Variants in SUMF1 observed in about 807,000 individuals in gnomAD.
The protein encoded by SUMF1 is formylglycine-generating enzyme.
In SUMF1, 48 loss-of-function variants were observed where a neutral mutation model predicts 47.6. The observed-to-expected ratio is 1.01, with a 90% CI of 0.80 to 1.28. The LOEUF is 1.28. SUMF1 is among the 50% of genes most tolerant of loss of function. The pLI, the probability that SUMF1 is intolerant of heterozygous loss-of-function variation, is 0.00. For synonymous variants in SUMF1, 230 were observed against 192.1 expected, an observed-to-expected ratio of 1.20 and a Z score of -1.63; for missense variants, 571 against 485.4, an observed-to-expected ratio of 1.18 and a Z score of -1.66.
In SUMF1 at chr3:4,209,485, A is replaced by G. The variant is rs1400137003; in HGVS notation, c.1015-140740T>C. Among the ~76,000 whole-genome samples, 2 of 152,182 alleles carry G rather than the reference A, an allele frequency of 1.3e-5. 1 individual carries two copies. Among genetic ancestry groups the G allele is most frequent in the African/African-American group, 4.8e-5 (2 of 41,444 alleles). ...CTTCTAAGATCCTTCCAGTATTTAA[A>G]TTATTTAATCTATAAGGAAAGTTTA... On this transcript the variant is annotated intron_variant and NMD_transcript_variant, in intron 8 of 12. Coordinates refer to the SUMF1 transcript ENST00000448413.
intron 8 of SUMF1, among the ~76,000 whole-genome samples, chr3:4,076,565 C>G (rs559718654): frequency 7.2e-5 from 11 of 152,040 alleles, no homozygotes; most frequent in Non-Finnish European, 1.5e-4. Flanking sequence ...GCAACCTACA[C>G]AATGGGAGAA....
At chr3:4,256,020 G>T (rs1294269192) in intron 8 of SUMF1, among the ~76,000 whole-genome samples, 2 of 150,458 alleles carry the variant, frequency 1.3e-5, no homozygotes, top group African/African-American at 4.9e-5. Context: ...TGACTACTGG[G>T]TACATAATAA....
intron 8 of SUMF1, among the ~76,000 whole-genome samples, chr3:4,100,457 A>G (rs927123550): frequency 6.6e-6 from 1 of 151,988 alleles, no homozygotes; most frequent in South Asian, 2.1e-4. Flanking sequence ...TCTCGTCAAT[A>G]AATTGTGCTT....
intron 8 of SUMF1, among the ~76,000 whole-genome samples, chr3:4,181,657 A>C (rs1695097789): frequency 6.6e-6 from 1 of 151,950 alleles, no homozygotes; most frequent in African/African-American, 2.4e-5. Flanking sequence ...TGATTTTTTG[A>C]GCTTCCCAAA....
chr3:4,456,678 A>G (rs1238406951), intron 1 of SUMF1, among the ~76,000 whole-genome samples: 2 of 137,958 alleles, frequency 1.4e-5, no homozygotes, highest in Admixed American at 7.2e-5. Flanking sequence ...ATATACGTGT[A>G]TATATATATG....
intron 8 of SUMF1, among the ~76,000 whole-genome samples, chr3:4,346,582 A>G (rs9878296): frequency 0.15 from 22,427 of 152,106 alleles, 1,794 homozygotes; most frequent in Middle Eastern, 0.22. Flanking sequence ...AGCTAGAAAG[A>G]TCTCAAATCG....
intron 3 of SUMF1, among the ~76,000 whole-genome samples, chr3:4,433,502 A>G (rs1268033898): frequency 6.6e-6 from 1 of 152,180 alleles, no homozygotes; most frequent in Admixed American, 6.5e-5. Context: ...AAGACACAAA[A>G]GACAGTGTTA....
At chr3:4,040,267 T>G (rs1311120170) in intron 9 of SUMF1, among the ~76,000 whole-genome samples, 1 of 152,172 alleles carries the variant, frequency 6.6e-6, no homozygotes, top group Non-Finnish European at 1.5e-5. Flanking sequence ...GGTCAAATTA[T>G]GTACCTCAGA....
At chr3:4,158,152 A>T (rs1694496260) in intron 8 of SUMF1, among the ~76,000 whole-genome samples, 1 of 151,624 alleles carries the variant, frequency 6.6e-6, no homozygotes, top group Non-Finnish European at 1.5e-5. Context: ...CTCTGCCTTC[A>T]AGGAACTTAT....
At chr3:4,077,190 G>A (rs1433339724) in intron 8 of SUMF1, among the ~76,000 whole-genome samples, 1 of 152,072 alleles carries the variant, frequency 6.6e-6, no homozygotes, top group East Asian at 1.9e-4. Context: ...AAACAGGAAT[G>A]CTTTTACACT....
chr3:4,351,984 TAGG>T (rs1490334328), intron 8 of SUMF1, among the ~76,000 whole-genome samples: 3 of 152,172 alleles, frequency 2.0e-5, no homozygotes, highest in Admixed American at 1.3e-4. Flanking sequence ...TAGTAAGTGG[TAGG>T]AGAAGAATTT....
intron 8 of SUMF1, among the ~76,000 whole-genome samples, chr3:4,373,697 T>A (rs1199121483): frequency 6.6e-6 from 1 of 152,162 alleles, no homozygotes; most frequent in Non-Finnish European, 1.5e-5. Context: ...ATTTAACAAC[T>A]CAATCTATGA....
intron 4 of SUMF1, among the ~76,000 whole-genome samples, chr3:4,419,625 A>C (rs1701825900): frequency 6.6e-6 from 1 of 152,216 alleles, no homozygotes. Flanking sequence ...TCTGGAACTC[A>C]AGATCATGTG....
chr3:4,368,895 G>C (rs1344172457), intron 8 of SUMF1, among the ~76,000 whole-genome samples: 3 of 152,130 alleles, frequency 2.0e-5, no homozygotes, highest in Admixed American at 6.6e-5. Context: ...CATCCTGTGT[G>C]CCATGAGCAT....
intron 7 of SUMF1, among the ~76,000 whole-genome samples, chr3:4,408,774 C>T (rs1340837950): frequency 1.3e-5 from 2 of 152,160 alleles, no homozygotes; most frequent in Middle Eastern, 3.4e-3. Context: ...TGTTTGAGAC[C>T]AGTCTGGCCA....
At chr3:4,171,670 C>T (rs556652003) in intron 8 of SUMF1, among the ~76,000 whole-genome samples, 2 of 152,212 alleles carry the variant, frequency 1.3e-5, no homozygotes, top group South Asian at 2.1e-4. Context: ...GCCCAAAAGG[C>T]TTCAAACTAA....
intron 8 of SUMF1, among the ~76,000 whole-genome samples, chr3:4,238,359 T>C (rs1696457809): frequency 6.6e-6 from 1 of 152,190 alleles, no homozygotes; most frequent in African/African-American, 2.4e-5. Context: ...CATACTGTTT[T>C]CCACAGTGGT....
chr3:4,168,460 T>A (rs1318593068), intron 8 of SUMF1, among the ~76,000 whole-genome samples: 1 of 152,178 alleles, frequency 6.6e-6, no homozygotes, highest in Non-Finnish European at 1.5e-5. Context: ...GCAAGGTTGG[T>A]CTTCACATCA....
At chr3:4,392,412 TG>T (rs981761117) in intron 7 of SUMF1, among the ~76,000 whole-genome samples, 57 of 152,130 alleles carry the variant, frequency 3.7e-4, no homozygotes, top group African/African-American at 1.3e-3. Context: ...TGGGCCTACT[TG>T]GGAGTTAGTT....
Sources: allele counts gnomAD v4.1 joint callset (sites outside exome capture counted in the v4.1 genomes callset), GRCh38; gene constraint gnomAD v4.1.1; transcripts MANE v1.5; gene names NCBI Gene and HGNC (gene_info 2026-07-23, HGNC 2026-07-21).